RAB3GAP1: variants seen among roughly 807,000 people sequenced by gnomAD.
RAB3GAP1 encodes the protein rab3 GTPase-activating protein catalytic subunit.
RAB3GAP1 carries 86 observed loss-of-function variants against 130.7 expected under a neutral mutation model. That is an observed-to-expected ratio of 0.66 (90% CI 0.55 to 0.79). The LOEUF is 0.79. Ranked by LOEUF, RAB3GAP1 falls within the 30% of genes least tolerant of loss-of-function variation. The pLI is 0.00. For synonymous variants in RAB3GAP1, 367 were observed against 401.7 expected, an observed-to-expected ratio of 0.91 and a Z score of 1.03; for missense variants, 1,029 against 1,169.4, an observed-to-expected ratio of 0.88 and a Z score of 1.75.
At chr2:135,173,933 C>A (rs1692935162), downstream of RAB3GAP1, among the ~76,000 whole-genome samples, 1 of 152,224 alleles carries the variant, frequency 6.6e-6, no homozygotes, top group Non-Finnish European at 1.5e-5. Flanking sequence ...ATCTTCTGGC[C>A]TCTAATTTAC....
At chr2:135,172,867 G>C (rs778335251), downstream of RAB3GAP1, among the ~76,000 whole-genome samples, 7 of 152,218 alleles carry the variant, frequency 4.6e-5, no homozygotes, top group Admixed American at 3.3e-4. Context: ...ACCAGGGTTA[G>C]TCTCTGAACA....
At chr2:135,124,467 C>G (rs1691292077) in intron 9 of RAB3GAP1, among the ~76,000 whole-genome samples, 2 of 152,124 alleles carry the variant, frequency 1.3e-5, no homozygotes, top group South Asian at 4.1e-4. Context: ...AGTTCGAGAA[C>G]AGCCTGACCA....
chr2:135,097,421 A>G (rs1020082016), intron 5 of RAB3GAP1, among the ~76,000 whole-genome samples: 2 of 151,856 alleles, frequency 1.3e-5, no homozygotes, highest in South Asian at 2.1e-4. Flanking sequence ...GTGTCTTGCT[A>G]TGTTGCCTGG....
intron 5 of RAB3GAP1, among the ~76,000 whole-genome samples, chr2:135,102,758 G>A (rs1279024910): frequency 2.6e-5 from 4 of 152,072 alleles, no homozygotes; most frequent in African/African-American, 9.7e-5. Context: ...GCTCATGCCT[G>A]TAATCCCAGC....
At position 135,067,797 on chromosome 2, in the gene RAB3GAP1, G is replaced by A. The variant is rs142706826; in HGVS notation, c.150+9711G>A. Among the ~76,000 whole-genome samples the A allele has an allele frequency of 4.4e-3, 665 of 152,298 alleles. 8 individuals are homozygous for A. Among genetic ancestry groups the A allele is most frequent in the South Asian group, 0.013 (64 of 4,826 alleles). ...GCTAGAGTGCGGTGGCACCATCTTG[G>A]CTCACTGGATGGAGCCTCAACCTCC... On this transcript the variant is annotated intron_variant, in intron 3 of 23. Coordinates refer to ENST00000264158, the MANE Select transcript of RAB3GAP1 (RefSeq NM_012233.3).
intron 3 of RAB3GAP1, among the ~76,000 whole-genome samples, chr2:135,062,299 T>G (rs1016372843): frequency 1.3e-5 from 2 of 152,242 alleles, no homozygotes; most frequent in Non-Finnish European, 2.9e-5. Context: ...GGCTGTCTTA[T>G]GCATTGTCAA....
chr2:135,107,631 A>G (rs1013502925), intron 5 of RAB3GAP1, among the ~76,000 whole-genome samples: 1 of 152,186 alleles, frequency 6.6e-6, no homozygotes, highest in Non-Finnish European at 1.5e-5. Context: ...TTTTTTAAAG[A>G]GGTCCTTAAT....
chr2:135,093,510 T>C, intron 4 of RAB3GAP1, 105 bp from the exon 5 acceptor site: 1 of 836,720 alleles, frequency 1.2e-6, no homozygotes, highest in South Asian at 1.4e-5. Flanking sequence ...TAAAGCAATA[T>C]CAAAACTGCA....
At chr2:135,150,333 G>A (rs759805582) in intron 17 of RAB3GAP1, 36 bp from the exon 18 acceptor site, 2 of 1,613,018 alleles carry the variant, frequency 1.2e-6, no homozygotes, top group Non-Finnish European at 1.7e-6. Context: ...TTCTAAAAAG[G>A]GCTGTTTATG....
chr2:135,124,000 C>T (rs1691273224), intron 8 of RAB3GAP1, 165 bp from the exon 9 acceptor site: 6 of 622,574 alleles, frequency 9.6e-6, no homozygotes, highest in Non-Finnish European at 1.7e-5. Context: ...CTGGGGAAGT[C>T]AAATATTGTT....
chr2:135,113,642 G>T (rs1256994196), intron 6 of RAB3GAP1, among the ~76,000 whole-genome samples: 1 of 152,100 alleles, frequency 6.6e-6, no homozygotes, highest in Non-Finnish European at 1.5e-5. Flanking sequence ...TCCATTTTCT[G>T]TCTATAAATG....
intron 3 of RAB3GAP1, among the ~76,000 whole-genome samples, chr2:135,074,501 G>A (rs899514936): frequency 1.8e-4 from 27 of 152,328 alleles, no homozygotes; most frequent in Admixed American, 1.4e-3. Flanking sequence ...ACTCTTACCC[G>A]ATTGGGTGGC....
chr2:135,120,659 T>C (rs1691168899), intron 7 of RAB3GAP1, among the ~76,000 whole-genome samples, 160 bp from the exon 8 acceptor site: 1 of 152,236 alleles, frequency 6.6e-6, no homozygotes, highest in Non-Finnish European at 1.5e-5. Context: ...ATGTTTTTAA[T>C]AACTAGAATA....
intron 5 of RAB3GAP1, among the ~76,000 whole-genome samples, chr2:135,094,388 T>G (rs533149879): frequency 1.3e-5 from 2 of 152,306 alleles, no homozygotes; most frequent in African/African-American, 4.8e-5. Flanking sequence ...ATTCCCCAAT[T>G]AAACGTTCCA....
intron 17 of RAB3GAP1, among the ~76,000 whole-genome samples, chr2:135,136,279 T>G (rs1176652971): frequency 6.6e-6 from 1 of 152,110 alleles, no homozygotes; most frequent in Non-Finnish European, 1.5e-5. Flanking sequence ...TGAGCCGAGA[T>G]TGCACCACTG....
rs145748693 is a variant in RAB3GAP1 at position 135,113,211 on chromosome 2, C to T, written c.423C>T (p.Ser141=). The T allele has an allele frequency of 1.5e-4, 243 of 1,614,060 alleles. 1 individual carries two copies. In the African/African-American group the frequency reaches 2.7e-3, roughly 18 times the overall value. ...CTGCACACAGTGACGCTGTTCTCAG[C>T]GAATCTAAGTGCAACCTTCTTCTGA... ...APAAHSDAVL[S]ESKCNLLLSS... Residue 141 remains serine, a synonymous_variant, in exon 6 of 24, where the codon AGC becomes AGT. Transcript: ENST00000264158.
In RAB3GAP1 at chr2:135,135,880, G is replaced by A; in HGVS notation, c.1871G>A (p.Gly624Glu). ...CCGGAAGGACGGCTCTATCAGCATG[G>A]GAAACTTACACTGCTGCATAATGGA... ...LRPEGRLYQH[G>E]KLTLLHNGEP... The change falls in exon 17 of 24, where the codon GGG (glycine) becomes GAG (glutamate). Residue 624 changes from glycine to glutamate, a missense_variant. By Grantham distance (98) the Gly-to-Glu change is moderately conservative. Around this residue, in one of 3 missense-constraint regions of RAB3GAP1, gnomAD observed 373 missense variants for 493.6 expected, o/e 0.76. Transcript: ENST00000264158. 6.2e-7 allele frequency: 1 copy of A among 1,614,112 alleles called. No individual in the cohort carries two copies. The highest frequency in any genetic ancestry group is 8.5e-7 in the Non-Finnish European group (1 of 1,179,954).
chr2:135,076,328 A>G (rs1461069694), intron 3 of RAB3GAP1, among the ~76,000 whole-genome samples: 1 of 152,162 alleles, frequency 6.6e-6, no homozygotes, highest in Non-Finnish European at 1.5e-5. Context: ...TTTTCCACAT[A>G]TGGTATATGA....
At chr2:135,077,902 CTT>C (rs1394806212) in intron 3 of RAB3GAP1, among the ~76,000 whole-genome samples, 4 of 151,990 alleles carry the variant, frequency 2.6e-5, no homozygotes, top group Non-Finnish European at 5.9e-5. Flanking sequence ...TGGGTTATTT[CTT>C]TTGTTGTCGA....
Sources: allele counts gnomAD v4.1 joint callset (sites outside exome capture counted in the v4.1 genomes callset), GRCh38; gene constraint gnomAD v4.1.1; regional missense constraint gnomAD v4.1.1; transcripts MANE v1.5; gene names NCBI Gene and HGNC (gene_info 2026-07-23, HGNC 2026-07-21).